PDPK1: variants seen among roughly 807,000 people sequenced by gnomAD.
PDPK1 encodes 3-phosphoinositide-dependent protein kinase 1.
A neutral mutation model predicts 39.8 loss-of-function variants in PDPK1; 7 were observed. The observed-to-expected ratio is 0.18, with a 90% confidence interval of 0.10 to 0.33. The LOEUF (loss-of-function observed/expected upper bound fraction) is 0.33, where lower values mean the gene tolerates loss of function less well. PDPK1 is among the 10% of genes least tolerant of loss of function. The pLI, the probability that PDPK1 is intolerant of heterozygous loss-of-function variation, is 1.00. For synonymous variants in PDPK1, 118 were observed against 159.1 expected, an observed-to-expected ratio of 0.74 and a Z score of 1.95; for missense variants, 182 against 384.7, an observed-to-expected ratio of 0.47 and a Z score of 4.41.
At position 2,602,005 on chromosome 16, in the gene PDPK1, G is replaced by C. The variant is rs1396482105; in HGVS notation, c.*4238G>C. On this transcript the variant is annotated 3_prime_UTR_variant, in exon 14 of 14. Coordinates refer to ENST00000342085, the MANE Select transcript of PDPK1 (RefSeq NM_002613.5). ...CCAGAGATTATGGCCAAATTGCACG[G>C]AATTTGGTTTCTTGCCCTCTGAAGC... The C allele has an allele frequency of 4.3e-6, 1 of 234,056 alleles. No individual in the cohort carries two copies. The highest frequency in any genetic ancestry group is 2.2e-5 in the African/African-American group (1 of 45,204). The allele number at this position is 234,056 out of a possible 1,614,324, so 14.5% of individuals were successfully genotyped here.
intron 1 of PDPK1, chr16:2,538,867 T>C (rs1233598511): frequency 1.2e-6 from 1 of 827,172 alleles, no homozygotes; most frequent in Non-Finnish European, 1.6e-6. Context: ...TTTCTCTCTA[T>C]CGCTAAAAGT....
rs1475380898 is a variant in PDPK1 at position 2,598,986 on chromosome 16, AG to A, written c.*1220del. On this transcript the variant is annotated 3_prime_UTR_variant, in exon 14 of 14. Transcript: ENST00000342085. ...GCCAGTTGCTGTTGCACAGGAGGCG[AG>A]AACAGCACACTTCAACCCCAGCTTG... 3 of 233,206 alleles carry A rather than the reference AG, an allele frequency of 1.3e-5. No individual in the cohort carries two copies. Among genetic ancestry groups the A allele is most frequent in the Non-Finnish European group, 2.5e-5 (3 of 118,084 alleles). The allele number at this position is 233,206 out of a possible 1,614,324, so 14.4% of individuals were successfully genotyped here.
At chr16:2,573,855 C>T (rs1408962342) in intron 6 of PDPK1, among the ~76,000 whole-genome samples, 36 of 46,984 alleles carry the variant, frequency 7.7e-4, no homozygotes, top group African/African-American at 4.8e-3. Flanking sequence ...AGTGCGGTGG[C>T]GCGATCTCGG....
At chr16:2,538,453 C>CGCAGCCTGGA (rs1261912886) in intron 1 of PDPK1, 1 of 444,270 alleles carries the variant, frequency 2.3e-6, no homozygotes, top group Non-Finnish European at 4.4e-6. Flanking sequence ...TTCGGCTTGG[C>CGCAGCCTGGA]GCAGCCTGGA....
intron 11 of PDPK1, among the ~76,000 whole-genome samples, chr16:2,594,719 G>C (rs1357946260): frequency 6.6e-6 from 1 of 152,176 alleles, no homozygotes; most frequent in Non-Finnish European, 1.5e-5. Context: ...GGTATCTGAT[G>C]CCTGTAATCC....
At chr16:2,540,668 C>T (rs1341038814) in intron 1 of PDPK1, among the ~76,000 whole-genome samples, 7 of 152,118 alleles carry the variant, frequency 4.6e-5, no homozygotes, top group Non-Finnish European at 1.0e-4. Flanking sequence ...ATTTCTTTGG[C>T]AGATGGCTGA....
chr16:2,577,278 G>C, intron 6 of PDPK1, 147 bp from the exon 7 acceptor site: 1 of 714,942 alleles, frequency 1.4e-6, no homozygotes, highest in East Asian at 2.9e-5. Context: ...AGGCGTCTTT[G>C]AGCCGGTGAG....
chr16:2,585,899 C>G (rs1003605290), intron 10 of PDPK1, among the ~76,000 whole-genome samples: 1 of 152,230 alleles, frequency 6.6e-6, no homozygotes, highest in Non-Finnish European at 1.5e-5. Flanking sequence ...CTTATCCTAG[C>G]CATTGCTCGT....
Position 2,592,590 on chromosome 16 carries a change from G to C in PDPK1, c.1344-3203G>C, listed in dbSNP as rs1223215053. 3.4e-5 allele frequency: 12 copies of C among 357,638 alleles called. No homozygotes were observed. In the East Asian group the frequency reaches 6.9e-4, roughly 20 times the overall value. The allele number at this position is 357,638 out of a possible 1,614,324, so 22.2% of individuals were successfully genotyped here. A position where few individuals can be genotyped will look rare whatever the true frequency, so the allele number is the denominator to read the frequency against. The stretch of plus-strand genomic sequence containing the variant: ...CTCAGGAGGCTGAGACAGGAGAATC[G>C]CTTGAACCCAGGAGGCAGAGGTTAC... On this transcript the variant is annotated intron_variant, in intron 11 of 13. Coordinates refer to ENST00000342085, the MANE Select transcript of PDPK1 (RefSeq NM_002613.5).
At chr16:2,542,410 C>T (rs1482272566) in intron 1 of PDPK1, among the ~76,000 whole-genome samples, 4 of 152,214 alleles carry the variant, frequency 2.6e-5, no homozygotes, top group East Asian at 1.9e-4. Flanking sequence ...CCTCCCGCCT[C>T]GGCCTCCCAA....
chr16:2,543,888 ATTTTTTT>A (rs11422907), intron 1 of PDPK1, among the ~76,000 whole-genome samples: 1 of 134,806 alleles, frequency 7.4e-6, no homozygotes, highest in Non-Finnish European at 1.6e-5. Flanking sequence ...CACCCGGCTA[ATTTTTTT>A]TTTTTTTTTT....
rs2067156776 is a variant in PDPK1 at position 2,598,875 on chromosome 16, G to T, written c.*1108G>T. On this transcript the variant is annotated 3_prime_UTR_variant, in exon 14 of 14. Transcript: ENST00000342085. The stretch of plus-strand genomic sequence containing the variant: ...TGTGTTTTGGTTCAAGTTTCTCAGA[G>T]CCCCTCAGAGCTTCTACATCTGTGC... 4 of 233,356 alleles carry T rather than the reference G, an allele frequency of 1.7e-5. 1 individual carries two copies. In the Admixed American group the frequency reaches 2.2e-4, roughly 13 times the overall value. The allele number at this position is 233,356 out of a possible 1,614,324, so 14.5% of individuals were successfully genotyped here.
chr16:2,539,060 G>C (rs1010878279), intron 1 of PDPK1: 5 of 202,000 alleles, frequency 2.5e-5, no homozygotes, highest in Non-Finnish European at 4.1e-5. Flanking sequence ...AATTGATCCC[G>C]TGTCTTCCAG....
At chr16:2,585,524 C>CA (rs2066850727) in intron 10 of PDPK1, among the ~76,000 whole-genome samples, 1 of 152,202 alleles carries the variant, frequency 6.6e-6, no homozygotes, top group Non-Finnish European at 1.5e-5. Context: ...GCCCTTGGGC[C>CA]AAGGCAGGAG....
At chr16:2,595,763 G>A in intron 11 of PDPK1, 30 bp from the exon 12 acceptor site, 2 of 1,561,368 alleles carry the variant, frequency 1.3e-6, no homozygotes, top group Non-Finnish European at 8.8e-7. Flanking sequence ...GATTGTCATG[G>A]GAGCATCTCT....
chr16:2,547,502 T>C (rs1161186076), intron 1 of PDPK1, among the ~76,000 whole-genome samples: 1 of 76,644 alleles, frequency 1.3e-5, no homozygotes, highest in Non-Finnish European at 2.4e-5. Context: ...TTATCAGATA[T>C]CTAGTTTAAA....
chr16:2,595,876 C>T (rs1384868129), intron 12 of PDPK1, 26 bp downstream of exon 12: 25 of 1,581,600 alleles, frequency 1.6e-5, no homozygotes, highest in Non-Finnish European at 2.0e-5. Flanking sequence ...TCCCGCTGCT[C>T]CGCACGGACA....
chr16:2,547,155 A>G (rs976232424), intron 1 of PDPK1, among the ~76,000 whole-genome samples: 2 of 149,874 alleles, frequency 1.3e-5, no homozygotes, highest in Non-Finnish European at 2.9e-5. Flanking sequence ...GACCCTGGGG[A>G]GGCAGGTTAG....
chr16:2,542,581 C>T (rs1364031037), intron 1 of PDPK1, among the ~76,000 whole-genome samples: 3 of 152,178 alleles, frequency 2.0e-5, no homozygotes, highest in Non-Finnish European at 2.9e-5. Flanking sequence ...GTTGAGCACA[C>T]GGCCCCCTGC....
Sources: gnomAD v4.1 joint callset for allele counts (sites outside exome capture counted in the v4.1 genomes callset) on GRCh38, gnomAD v4.1.1 for gene constraint, MANE v1.5 for transcripts, NCBI Gene and HGNC (gene_info 2026-07-23, HGNC 2026-07-21) for gene names.